The following FHIT variants were observed in gnomAD, a reference collection of about 807,000 sequenced individuals.
The protein encoded by FHIT is bis(5'-adenosyl)-triphosphatase.
Under a neutral mutation model 17.9 loss-of-function variants are expected in FHIT, and 19 were observed. The ratio of observed to expected loss-of-function variants is 1.06; its 90% CI spans 0.74 to 1.56. The LOEUF (loss-of-function observed/expected upper bound fraction) is 1.56, where lower values mean the gene tolerates loss of function less well. FHIT is among the 40% of genes most tolerant of loss of function. The pLI is 0.00. For synonymous variants in FHIT, 81 were observed against 69.7 expected (o/e 1.16, Z -0.81); for missense variants, 248 against 189.2 (o/e 1.31, Z -1.82).
At position 60,546,175 on chromosome 3, in the gene FHIT, C is replaced by T. The variant is rs1281512729; in HGVS notation, c.-17-9196G>A. Among the ~76,000 whole-genome samples, 12 of 152,280 alleles carry T rather than the reference C, an allele frequency of 7.9e-5. No homozygotes were observed. In the East Asian group the frequency reaches 1.5e-3, roughly 20 times the overall value. On this transcript the variant is annotated intron_variant, in intron 4 of 9. Transcript: ENST00000492590. ...ATCTGCTGGATAAGTTTAATCACTA[C>T]ACATTTACACTAATTATTCTTTGAG...
At chr3:60,912,646 C>A in intron 3 of FHIT, 1 of 389,388 alleles carries the variant, frequency 2.6e-6, no homozygotes, top group South Asian at 2.2e-5. Flanking sequence ...AAAAGTTAAT[C>A]ATCAGAGATA....
At chr3:60,121,555 G>A (rs374084098) in intron 5 of FHIT, among the ~76,000 whole-genome samples, 2 of 152,008 alleles carry the variant, frequency 1.3e-5, no homozygotes, top group Non-Finnish European at 2.9e-5. Flanking sequence ...GTGGTGGTGC[G>A]TGCCAGTAAT....
At chr3:60,772,243 G>A (rs1397644316) in intron 4 of FHIT, among the ~76,000 whole-genome samples, 1 of 143,752 alleles carries the variant, frequency 7.0e-6, no homozygotes, top group Non-Finnish European at 1.5e-5. Context: ...ATATGCAGAA[G>A]CATCCAGATT....
At chr3:59,936,182 G>A (rs1033292521) in intron 7 of FHIT, among the ~76,000 whole-genome samples, 1 of 152,174 alleles carries the variant, frequency 6.6e-6, no homozygotes, top group Non-Finnish European at 1.5e-5. Flanking sequence ...GAGAGAAGAA[G>A]AAACCTAACC....
At chr3:60,189,897 G>A (rs1702326727) in intron 5 of FHIT, among the ~76,000 whole-genome samples, 1 of 152,128 alleles carries the variant, frequency 6.6e-6, no homozygotes, top group Non-Finnish European at 1.5e-5. Context: ...ACTAATTAGA[G>A]GTGGAAGCCA....
intron 5 of FHIT, among the ~76,000 whole-genome samples, chr3:60,506,085 A>G (rs541994133): frequency 6.6e-6 from 1 of 152,314 alleles, no homozygotes; most frequent in African/African-American, 2.4e-5. Flanking sequence ...CAAAGCCATG[A>G]GTAAAATGTG....
At chr3:60,340,344 A>G (rs935822055) in intron 5 of FHIT, among the ~76,000 whole-genome samples, 1 of 152,218 alleles carries the variant, frequency 6.6e-6, no homozygotes, top group Non-Finnish European at 1.5e-5. Context: ...TAATCAACAT[A>G]CATGTATTAT....
At chr3:60,300,555 G>T (rs1708415830) in intron 5 of FHIT, among the ~76,000 whole-genome samples, 1 of 152,026 alleles carries the variant, frequency 6.6e-6, no homozygotes, top group African/African-American at 2.4e-5. Flanking sequence ...TATCACCGAG[G>T]TGCCCTTCCA....
chr3:60,213,233 T>C (rs1703538268), intron 5 of FHIT, among the ~76,000 whole-genome samples: 1 of 152,152 alleles, frequency 6.6e-6, no homozygotes, highest in Admixed American at 6.5e-5. Context: ...TCTTGCTCTC[T>C]CTCCCCCCAT....
At chr3:60,250,340 A>G (rs1048804233) in intron 5 of FHIT, among the ~76,000 whole-genome samples, 1 of 152,218 alleles carries the variant, frequency 6.6e-6, no homozygotes. Flanking sequence ...AGTCTGAGCA[A>G]TGACTAAAGG....
intron 3 of FHIT, among the ~76,000 whole-genome samples, chr3:61,004,863 T>C (rs988594911): frequency 2.0e-5 from 3 of 152,158 alleles, no homozygotes; most frequent in Non-Finnish European, 4.4e-5. Flanking sequence ...GTAAAGCACA[T>C]TATGCACTCA....
intron 5 of FHIT, among the ~76,000 whole-genome samples, chr3:60,336,709 G>A (rs533008928): frequency 6.6e-6 from 1 of 152,098 alleles, no homozygotes. Context: ...CAGAACAGTG[G>A]AGAACATTTC....
intron 5 of FHIT, among the ~76,000 whole-genome samples, chr3:60,470,570 T>C (rs2033037035): frequency 6.6e-6 from 1 of 151,820 alleles, no homozygotes; most frequent in Non-Finnish European, 1.5e-5. Flanking sequence ...GAGCTTGTGG[T>C]GAATGCTGCC....
chr3:60,062,597 T>C (rs1447136293), intron 5 of FHIT, among the ~76,000 whole-genome samples: 1 of 152,168 alleles, frequency 6.6e-6, no homozygotes, highest in African/African-American at 2.4e-5. Flanking sequence ...TTTCTTCTAC[T>C]GAAGTGCTGG....
At chr3:60,128,582 A>G (rs1403627152) in intron 5 of FHIT, among the ~76,000 whole-genome samples, 1 of 152,184 alleles carries the variant, frequency 6.6e-6, no homozygotes, top group Middle Eastern at 3.2e-3. Context: ...AGTACCCAAG[A>G]TATTACAGCA....
intron 5 of FHIT, among the ~76,000 whole-genome samples, chr3:60,349,567 T>C (rs772914925): frequency 6.6e-6 from 1 of 152,172 alleles, no homozygotes; most frequent in African/African-American, 2.4e-5. Context: ...TTCCAAAAGA[T>C]TCATTGTAAG....
intron 5 of FHIT, among the ~76,000 whole-genome samples, chr3:60,020,553 C>T (rs956364838): frequency 2.6e-5 from 4 of 152,118 alleles, no homozygotes; most frequent in Non-Finnish European, 5.9e-5. Flanking sequence ...CAGAATTAAT[C>T]ATTCTTCTGA....
At chr3:60,013,019 G>T (rs1010023761) in intron 6 of FHIT, among the ~76,000 whole-genome samples, 1 of 152,086 alleles carries the variant, frequency 6.6e-6, no homozygotes, top group Non-Finnish European at 1.5e-5. Context: ...GGACTCAAAT[G>T]GTTTGACATA....
chr3:61,018,720 C>A (rs2032247900), intron 3 of FHIT, among the ~76,000 whole-genome samples: 1 of 152,164 alleles, frequency 6.6e-6, no homozygotes, highest in Admixed American at 6.5e-5. Flanking sequence ...CTAATTTATA[C>A]TAAATTATAA....
Sources: allele counts gnomAD v4.1 joint callset (sites outside exome capture counted in the v4.1 genomes callset), GRCh38; gene constraint gnomAD v4.1.1; transcripts MANE v1.5; gene names NCBI Gene and HGNC (gene_info 2026-07-23, HGNC 2026-07-21).